Variants in CNTN5 observed in about 807,000 individuals in gnomAD.
The protein encoded by CNTN5 is contactin 5.
In CNTN5, 77 loss-of-function variants were observed where a neutral mutation model predicts 129.1. That is an observed-to-expected ratio of 0.60 (90% CI 0.50 to 0.72). The LOEUF (loss-of-function observed/expected upper bound fraction) is 0.72, where lower values mean the gene tolerates loss of function less well. Among genes scored for constraint, CNTN5 ranks in the 30% least tolerant of loss-of-function variants. The pLI is 0.00. For synonymous variants in CNTN5, 509 were observed against 465.6 expected (o/e 1.09, Z -1.20); for missense variants, 1,478 against 1,328.8 (o/e 1.11, Z -1.75).
At chr11:99,980,033 G>A (rs1010103729) in intron 8 of CNTN5, among the ~76,000 whole-genome samples, 1 of 152,058 alleles carries the variant, frequency 6.6e-6, no homozygotes, top group South Asian at 2.1e-4. Flanking sequence ...TATAAGTATT[G>A]GGTATTATTC....
intron 3 of CNTN5, among the ~76,000 whole-genome samples, chr11:99,653,728 C>T (rs1952243313): frequency 6.6e-6 from 1 of 151,986 alleles, no homozygotes; most frequent in African/African-American, 2.4e-5. Context: ...GAAAGCAATG[C>T]TTGAGTTAAT....
At chr11:99,894,966 G>A (rs775456148) in intron 6 of CNTN5, among the ~76,000 whole-genome samples, 1 of 152,134 alleles carries the variant, frequency 6.6e-6, no homozygotes, top group Non-Finnish European at 1.5e-5. Context: ...TTCTTGACAT[G>A]CCCCAAGCAT....
At chr11:100,210,800 A>G (rs937097218) in intron 15 of CNTN5, among the ~76,000 whole-genome samples, 1 of 152,208 alleles carries the variant, frequency 6.6e-6, no homozygotes, top group Non-Finnish European at 1.5e-5. Flanking sequence ...TGCAGTCATG[A>G]TGATAATCTC....
chr11:100,137,516 A>G (rs1946565202), intron 13 of CNTN5, among the ~76,000 whole-genome samples: 1 of 152,288 alleles, frequency 6.6e-6, no homozygotes, highest in East Asian at 1.9e-4. Flanking sequence ...TGAAAGGATG[A>G]CATTCATTTT....
At chr11:99,177,591 G>A (rs897193456) in intron 1 of CNTN5, among the ~76,000 whole-genome samples, 5 of 152,154 alleles carry the variant, frequency 3.3e-5, no homozygotes, top group Admixed American at 6.5e-5. Flanking sequence ...ATGGTTCATC[G>A]AAAGATTTGG....
chr11:99,077,833 C>G (rs1865638332), intron 1 of CNTN5, among the ~76,000 whole-genome samples: 1 of 152,096 alleles, frequency 6.6e-6, no homozygotes, highest in Non-Finnish European at 1.5e-5. Context: ...GGTGCCTTGC[C>G]TCCCCTTTCC....
chr11:99,351,546 T>C (rs147649004), intron 2 of CNTN5, among the ~76,000 whole-genome samples: 3 of 152,328 alleles, frequency 2.0e-5, no homozygotes, highest in Admixed American at 2.0e-4. Context: ...AATTATAACA[T>C]ATATAAAATA....
intron 3 of CNTN5, among the ~76,000 whole-genome samples, chr11:99,814,749 T>C (rs557620137): frequency 1.3e-5 from 2 of 151,918 alleles, no homozygotes; most frequent in Admixed American, 1.3e-4. Flanking sequence ...CTTGAAGTAG[T>C]TGAGATGCCA....
chr11:99,206,062 C>A (rs1280023343), intron 1 of CNTN5, among the ~76,000 whole-genome samples: 1 of 152,072 alleles, frequency 6.6e-6, no homozygotes, highest in Non-Finnish European at 1.5e-5. Context: ...CTGTCATATT[C>A]TTTACATGTC....
rs1756742389 is a variant in CNTN5, at chr11:99,408,444, GAAAGAGAAAGAAAGAA to G, written c.-71+82962_-71+82977del. Among the ~76,000 whole-genome samples the G allele has an allele frequency of 6.0e-5, 3 of 49,898 alleles. 1 individual carries two copies. Among genetic ancestry groups the G allele is most frequent in the South Asian group, 1.4e-3 (2 of 1,440 alleles). The allele number at this position is 49,898 out of a possible 152,430, so 32.7% of individuals were successfully genotyped here. A position where few individuals can be genotyped will look rare whatever the true frequency, so the allele number is the denominator to read the frequency against. On this transcript the variant is annotated intron_variant, in intron 2 of 24. Transcript: ENST00000524871. The stretch of plus-strand genomic sequence containing the variant: ...AAGGAAAGAAAAAGAAAGAAAGAAA[GAAAGAGAAAGAAAGAA>G]AGAAAGAAAGAAAGAAAGAAAGAAA...
At position 99,500,654 on chromosome 11, in the gene CNTN5, A is replaced by G. The variant is rs542972156; in HGVS notation, c.-70-55491A>G. 2.6e-5 allele frequency among the ~76,000 whole-genome samples: 4 copies of G among 152,244 alleles called. No individual in the cohort carries two copies. The South Asian group carries it at 8.3e-4, about 32-fold the overall frequency. ...TAGCATTATTTTTTCATGGCTACAT[A>G]GTATTCCATGAATTGTATATATCTT... On this transcript the variant is annotated intron_variant, in intron 2 of 24. Transcript: ENST00000524871.
chr11:99,915,789 A>G (rs1287893215), intron 6 of CNTN5, among the ~76,000 whole-genome samples: 2 of 152,174 alleles, frequency 1.3e-5, no homozygotes, highest in East Asian at 3.9e-4. Flanking sequence ...TAAAAATGCT[A>G]TACTCCCTAG....
chr11:99,352,197 G>T (rs1201080578), intron 2 of CNTN5, among the ~76,000 whole-genome samples: 1 of 152,186 alleles, frequency 6.6e-6, no homozygotes, highest in African/African-American at 2.4e-5. Context: ...GGAGCCTGTT[G>T]TTGTTCCCAC....
intron 1 of CNTN5, among the ~76,000 whole-genome samples, chr11:99,170,372 G>C (rs1173011016): frequency 6.6e-6 from 1 of 152,150 alleles, no homozygotes; most frequent in African/African-American, 2.4e-5. Context: ...CCAGCAGCAG[G>C]CTCTTATGAC....
chr11:99,470,030 C>A (rs1394354231), intron 2 of CNTN5, among the ~76,000 whole-genome samples: 1 of 152,098 alleles, frequency 6.6e-6, no homozygotes, highest in Non-Finnish European at 1.5e-5. Context: ...AGCAGCCTGT[C>A]CAAGACAGCA....
intron 18 of CNTN5, among the ~76,000 whole-genome samples, chr11:100,290,229 C>T (rs1315629474): frequency 6.6e-6 from 1 of 151,890 alleles, no homozygotes; most frequent in Non-Finnish European, 1.5e-5. Context: ...CTACCAATGC[C>T]TTTCTTCACA....
intron 3 of CNTN5, among the ~76,000 whole-genome samples, chr11:99,734,255 T>C (rs1483036871): frequency 2.6e-5 from 4 of 152,200 alleles, no homozygotes; most frequent in African/African-American, 7.2e-5. Context: ...TCCAATTATA[T>C]TCTTACTGTA....
chr11:100,074,093 G>A, intron 12 of CNTN5, 51 bp from the exon 13 acceptor site: 1 of 1,537,166 alleles, frequency 6.5e-7, no homozygotes, highest in South Asian at 1.2e-5. Flanking sequence ...TCACCCATTA[G>A]AGATTATTGT....
chr11:99,413,675 C>A (rs1012324670), intron 2 of CNTN5, among the ~76,000 whole-genome samples: 1 of 151,948 alleles, frequency 6.6e-6, no homozygotes, highest in African/African-American at 2.4e-5. Context: ...AAGATTTCAC[C>A]AGAAATAACA....
Sources: gnomAD v4.1 joint callset for allele counts (sites outside exome capture counted in the v4.1 genomes callset) on GRCh38, gnomAD v4.1.1 for gene constraint, MANE v1.5 for transcripts, NCBI Gene and HGNC (gene_info 2026-07-23, HGNC 2026-07-21) for gene names.